NLRP12: variants seen among roughly 807,000 people sequenced by gnomAD.
The protein encoded by NLRP12 is NACHT, LRR and PYD domains-containing protein 12.
Under a neutral mutation model 91.2 loss-of-function variants are expected in NLRP12, and 108 were observed. That is an observed-to-expected ratio of 1.18 (90% CI 1.01 to 1.39). NLRP12 has a LOEUF of 1.39. NLRP12 is among the 40% of genes most tolerant of loss of function. The pLI is 0.00. For missense variants in NLRP12, 1,530 were observed against 1,352.7 expected (o/e 1.13, Z -2.06); for synonymous variants, 613 against 566.7 (o/e 1.08, Z -1.16).
intron 9 of NLRP12, among the ~76,000 whole-genome samples, chr19:53,795,101 TGTGTGC>T (rs1040567817): frequency 9.8e-5 from 5 of 50,886 alleles, no homozygotes; most frequent in East Asian, 6.8e-4. Context: ...CCATACCTGG[TGTGTGC>T]GTGTGTGTGT....
In NLRP12 at chr19:53,793,855, G is replaced by A. The variant is rs557195352; in HGVS notation, c.*194C>T. 1.5e-3 allele frequency: 1,006 copies of A among 672,432 alleles called. 18 individuals are homozygous for A. The highest frequency in any genetic ancestry group is 0.014 in the South Asian group (873 of 62,166). The allele number at this position is 672,432 out of a possible 1,614,324, so 41.7% of individuals were successfully genotyped here. A position where few individuals can be genotyped will look rare whatever the true frequency, so the allele number is the denominator to read the frequency against. ...CTGCCTCGGCCTCTCGAAGTGCTAG[G>A]ATTACATACATGAGCCACCACGCCT... On this transcript the variant is annotated 3_prime_UTR_variant, in exon 10 of 10. Transcript: ENST00000324134.
Position 53,809,706 on chromosome 19 carries a change from C to G in NLRP12, c.1953G>C (p.Ser651=), listed in dbSNP as rs771048449. Residue 651 remains serine, a synonymous_variant, in exon 3 of 10, where the codon TCG becomes TCC. Coordinates refer to ENST00000324134, the MANE Select transcript of NLRP12 (RefSeq NM_144687.4). ...IASKMEHMVS[S]FCLKRCRSAQ... ...CGCTCCTGCAGCGCTTCAGACAGAACGAGGAGACCATGTGCTCCATCTTGG... is the reference window on the plus strand; with the variant it reads ...CGCTCCTGCAGCGCTTCAGACAGAAGGAGGAGACCATGTGCTCCATCTTGG... The G allele has an allele frequency of 8.7e-6, 14 of 1,614,096 alleles. No homozygotes were observed. The highest frequency in any genetic ancestry group is 6.7e-5 in the Admixed American group (4 of 60,006).
Position 53,809,918 on chromosome 19 carries a change from A to G in NLRP12, c.1741T>C (p.Trp581Arg), listed in dbSNP as rs1448951520. ...TRSHLEKSLC[W>R]KVSPHIKMDL... ...ATCTTGATGTGCGGCGAGACCTTCC[A>G]GCAGAGACTCTTCTCCAGGTGGCTC... Residue 581 changes from tryptophan to arginine, a missense_variant, in exon 3 of 10, where the codon TGG becomes CGG. Transcript: ENST00000324134. The G allele has an allele frequency of 1.9e-6, 3 of 1,613,942 alleles. No homozygotes were observed. The highest frequency in any genetic ancestry group is 2.7e-5 in the African/African-American group (2 of 74,922).
At chr19:53,798,511 G>A (rs1193796173) in intron 7 of NLRP12, 98 bp from the exon 8 acceptor site, 2 of 1,198,780 alleles carry the variant, frequency 1.7e-6, no homozygotes, top group African/African-American at 1.5e-5. Flanking sequence ...TGCAGACAGA[G>A]GGACAGACTC....
chr19:53,814,796 C>A, intron 2 of NLRP12, 112 bp downstream of exon 2: 4 of 857,086 alleles, frequency 4.7e-6, no homozygotes, highest in South Asian at 2.7e-5. Context: ...TTGATGGTGT[C>A]ATTAATCCAC....
intron 4 of NLRP12, among the ~76,000 whole-genome samples, chr19:53,806,472 G>A (rs137965915): frequency 4.0e-4 from 60 of 151,790 alleles, no homozygotes; most frequent in African/African-American, 1.3e-3. Flanking sequence ...CACGAGGTTA[G>A]AGATTGAGAC....
At chr19:53,794,225 A>G (rs960910196) in intron 9 of NLRP12, 89 bp from the exon 10 acceptor site, 2 of 901,892 alleles carry the variant, frequency 2.2e-6, no homozygotes, top group East Asian at 2.4e-5. Context: ...CTACCGTGGT[A>G]AGATAATTCC....
intron 4 of NLRP12, among the ~76,000 whole-genome samples, chr19:53,806,346 A>T (rs1482789769): frequency 6.6e-6 from 1 of 151,904 alleles, no homozygotes; most frequent in Non-Finnish European, 1.5e-5. Flanking sequence ...TGAGACCAGT[A>T]TGGGCAGCAT....
chr19:53,807,589 C>CT lies in NLRP12; in HGVS notation c.2148dup (p.Glu717ArgfsTer54), dbSNP rs2091981903. The CT allele has an allele frequency of 5.6e-6, 9 of 1,614,114 alleles. No individual in the cohort carries two copies. In the East Asian group the frequency reaches 1.8e-4, roughly 32 times the overall value. ...AGGGCATTTCGGTACAGAGACAGCT[C>CT]TATCAGGTTTGGATTGGTGCACAGG... On this transcript the variant is annotated frameshift_variant, in exon 4 of 10. Transcript: ENST00000324134. LOFTEE classifies it high-confidence loss of function.
chr19:53,817,680 G>A (rs1168511203), intron 1 of NLRP12, among the ~76,000 whole-genome samples: 2 of 152,052 alleles, frequency 1.3e-5, no homozygotes, highest in African/African-American at 4.8e-5. Context: ...AGGTTGCAGT[G>A]AGCCGAGATC....
chr19:53,823,262 A>T (rs1257191536), intron 1 of NLRP12, among the ~76,000 whole-genome samples: 1 of 140,218 alleles, frequency 7.1e-6, no homozygotes, highest in Non-Finnish European at 1.5e-5. Flanking sequence ...AATATTTATT[A>T]TTTATATATA....
chr19:53,813,281 C>CTTT (rs34880938), intron 2 of NLRP12, among the ~76,000 whole-genome samples: 1 of 111,566 alleles, frequency 9.0e-6, no homozygotes, highest in East Asian at 2.6e-4. Context: ...AACTGCTATT[C>CTTT]TTTTTTTTTT....
At chr19:53,814,545 T>A (rs1295962443) in intron 2 of NLRP12, among the ~76,000 whole-genome samples, 1 of 152,064 alleles carries the variant, frequency 6.6e-6, no homozygotes, top group Non-Finnish European at 1.5e-5. Flanking sequence ...GAGACGGGGT[T>A]TTGCCATGTT....
intron 1 of NLRP12, among the ~76,000 whole-genome samples, chr19:53,818,825 C>A (rs889473028): frequency 1.3e-5 from 2 of 152,082 alleles, no homozygotes; most frequent in African/African-American, 2.4e-5. Context: ...TTCAGAATCA[C>A]GGGTTGAGGG....
chr19:53,815,874 T>C (rs1206911029), intron 1 of NLRP12, among the ~76,000 whole-genome samples: 1 of 152,024 alleles, frequency 6.6e-6, no homozygotes, highest in Non-Finnish European at 1.5e-5. Context: ...CCTCCCAAAG[T>C]GCTGGGATTA....
chr19:53,793,918 A>G lies in NLRP12; in HGVS notation c.*131T>C. 1 of 760,268 alleles carries G rather than the reference A, an allele frequency of 1.3e-6. No individual in the cohort carries two copies. 47.1% of individuals were successfully genotyped at this position (760,268 alleles called of 1,614,324 possible). ...CAAACATTAATTTGATCCCAAGCAG[A>G]GGGACTTTTGATCTCAATCTGCATG... On this transcript the variant is annotated 3_prime_UTR_variant, in exon 10 of 10. Transcript: ENST00000324134.
chr19:53,811,908 T>TAC (rs1160209974), intron 2 of NLRP12, among the ~76,000 whole-genome samples: 1 of 152,062 alleles, frequency 6.6e-6, no homozygotes, highest in African/African-American at 2.4e-5. Context: ...ACGGGTACAT[T>TAC]ACCAGATAGT....
intron 1 of NLRP12, among the ~76,000 whole-genome samples, chr19:53,815,223 G>GTTTT (rs1568688519): frequency 3.2e-5 from 3 of 94,848 alleles, no homozygotes; most frequent in Non-Finnish European, 6.2e-5. Flanking sequence ...CATCCAATCA[G>GTTTT]TCTTTTTTTT....
Position 53,810,096 on chromosome 19 carries a change from A to G in NLRP12, c.1563T>C (p.Phe521=), listed in dbSNP as rs2122663686. 6.2e-7 allele frequency: 1 copy of G among 1,614,184 alleles called. No individual in the cohort carries two copies. The highest frequency in any genetic ancestry group is 2.2e-5 in the East Asian group (1 of 44,882). Reference sequence around the variant, plus strand: ...CGTCCAGGATATAGTACATAGCTGCAAAGAATTCCTGGAAACTCAAGTGGA... The same window carrying G: ...CGTCCAGGATATAGTACATAGCTGCGAAGAATTCCTGGAAACTCAAGTGGA... ...SFIHLSFQEF[F]AAMYYILDEG... is the part of the protein sequence containing the mutation. The change falls in exon 3 of 10, where the codon TTT becomes TTC. Residue 521 remains phenylalanine (F), a synonymous_variant. Coordinates refer to ENST00000324134, the MANE Select transcript of NLRP12 (RefSeq NM_144687.4).
Sources: gnomAD v4.1 joint callset for allele counts (sites outside exome capture counted in the v4.1 genomes callset) on GRCh38, gnomAD v4.1.1 for gene constraint, MANE v1.5 for transcripts, NCBI Gene and HGNC (gene_info 2026-07-23, HGNC 2026-07-21) for gene names.